ADAP1: variants seen among roughly 807,000 people sequenced by gnomAD.
ADAP1 encodes the protein arf-GAP with dual PH domain-containing protein 1.
In ADAP1, 31 loss-of-function variants were observed where a neutral mutation model predicts 54.9. The observed-to-expected ratio is 0.56, with a 90% CI of 0.42 to 0.76. The LOEUF (loss-of-function observed/expected upper bound fraction) is 0.76, where lower values mean the gene tolerates loss of function less well. ADAP1 is among the 30% of genes least tolerant of loss of function. The pLI is 0.00. For missense variants in ADAP1, 535 were observed against 512.4 expected (o/e 1.04, Z -0.42); for synonymous variants, 313 against 202.6 (o/e 1.55, Z -4.63).
In ADAP1 at chr7:920,789, T is replaced by C. The variant is rs1221220495; in HGVS notation, c.306-739A>G. 1.9e-6 allele frequency: 3 copies of C among 1,546,472 alleles called. No individual in the cohort carries two copies. Among genetic ancestry groups the C allele is most frequent in the South Asian group, 2.4e-5 (2 of 83,804 alleles). On this transcript the variant is annotated intron_variant, in intron 3 of 10. Transcript: ENST00000265846. This position sits in a 1 kb window ranked among gnomAD's most constrained non-coding sequence, Gnocchi z 4.5. ...CCCCATCCACCGTGACTCACTCGAGTGAAGCCAATACCATTGCAGAAACCA... is the reference window on the plus strand; with the variant it reads ...CCCCATCCACCGTGACTCACTCGAGCGAAGCCAATACCATTGCAGAAACCA...
intron 7 of ADAP1, 123 bp downstream of exon 7, chr7:900,410 T>C (rs1048535560): frequency 6.8e-5 from 77 of 1,128,016 alleles, no homozygotes; most frequent in Non-Finnish European, 9.0e-5. Context: ...GGTGAGCCCT[T>C]GGCCAGTCCC....
chr7:935,538 C>G (rs568593593), intron 1 of ADAP1, 33 bp from the exon 2 acceptor site: 1 of 1,554,092 alleles, frequency 6.4e-7, no homozygotes, highest in Admixed American at 1.9e-5. Flanking sequence ...CACGGAGGCT[C>G]AGCCCAGGGA....
chr7:903,469 T>C (rs1349427821), intron 6 of ADAP1, among the ~76,000 whole-genome samples: 1 of 152,104 alleles, frequency 6.6e-6, no homozygotes, highest in East Asian at 1.9e-4. Context: ...TCTCAAGATT[T>C]AGGAACGATA....
At chr7:918,313 C>T (rs1248933520) in intron 4 of ADAP1, among the ~76,000 whole-genome samples, 2 of 152,184 alleles carry the variant, frequency 1.3e-5, no homozygotes, top group African/African-American at 2.4e-5. Flanking sequence ...AACTCCTGCA[C>T]GTAAGGGCTG....
intron 6 of ADAP1, 182 bp downstream of exon 6, chr7:903,944 C>T: frequency 1.4e-6 from 1 of 732,382 alleles, no homozygotes; most frequent in East Asian, 3.3e-5. Context: ...CCAGTGCCCA[C>T]ACTCCCACAC....
At chr7:954,783 C>T, upstream of ADAP1, 4 of 882,226 alleles carry the variant, frequency 4.5e-6, no homozygotes, top group Non-Finnish European at 5.4e-6. Context: ...TCGGCCGCTC[C>T]GGCGCCCCCA....
chr7:911,015 T>C (rs4722452), intron 4 of ADAP1, among the ~76,000 whole-genome samples: 134,146 of 152,210 alleles, frequency 0.88, 59,493 homozygotes, highest in African/African-American at 0.97. Flanking sequence ...TCTCCCTGCC[T>C]GGCCCGTCCA....
chr7:904,056 T>C (rs1844960326), intron 6 of ADAP1, 70 bp downstream of exon 6: 1 of 1,592,976 alleles, frequency 6.3e-7, no homozygotes, highest in Admixed American at 1.7e-5. Context: ...GCACCCACCT[T>C]CCTGCGCCAC....
intron 2 of ADAP1, 147 bp downstream of exon 2, chr7:935,228 G>C: frequency 8.8e-7 from 1 of 1,136,182 alleles, no homozygotes. Flanking sequence ...AGAGGGGGCG[G>C]GGTCCTCGGG....
chr7:899,988 C>T (rs1844707424), intron 8 of ADAP1, 114 bp downstream of exon 8: 1 of 1,278,890 alleles, frequency 7.8e-7, no homozygotes, highest in Non-Finnish European at 1.1e-6. Context: ...TGTGAGGACC[C>T]ACCAGACACC....
In ADAP1 at chr7:904,283, G is replaced by T. The variant is rs761176865; in HGVS notation, c.502-11C>A. On this transcript the variant is annotated splice_polypyrimidine_tract_variant and intron_variant, in intron 5 of 10. Coordinates refer to ENST00000265846, the MANE Select transcript of ADAP1 (RefSeq NM_006869.4). ...CTTGGGCTCCTTGGCCTGAGAAGGG[G>T]TGGGGTCTAAGCACCTCACAGGGGC... The T allele has an allele frequency of 6.3e-7, 1 of 1,580,406 alleles. No individual in the cohort carries two copies. Among genetic ancestry groups the T allele is most frequent in the South Asian group, 1.2e-5 (1 of 85,628 alleles).
intron 4 of ADAP1, among the ~76,000 whole-genome samples, chr7:918,276 G>A (rs1358996560): frequency 6.6e-6 from 1 of 152,186 alleles, no homozygotes. Context: ...GAGTGCAGTG[G>A]TGCAAACACA....
In ADAP1 at chr7:909,377, G is replaced by A. The variant is rs547156011; in HGVS notation, c.389-4205C>T. Among the ~76,000 whole-genome samples, 276 of 97,878 alleles carry A rather than the reference G, an allele frequency of 2.8e-3. 7 individuals are homozygous for A. Among genetic ancestry groups the A allele is most frequent in the South Asian group, 6.0e-3 (16 of 2,676 alleles). The allele number at this position is 97,878 out of a possible 152,430, so 64.2% of individuals were successfully genotyped here. ...GGAACCCCGGTCCTCCCGACAGCAG[G>A]CGCCAGCGGGAACCCCGGTCCTCCC... On this transcript the variant is annotated intron_variant, in intron 4 of 10. Transcript: ENST00000265846.
chr7:905,016 C>T (rs367867271), intron 5 of ADAP1, 44 bp downstream of exon 5: 94 of 1,561,682 alleles, frequency 6.0e-5, no homozygotes, highest in Non-Finnish European at 7.8e-5. Flanking sequence ...GGCCGGGATG[C>T]CGCCCTGGGA....
Position 920,839 on chromosome 7 carries a change from G to A in ADAP1, c.306-789C>T, listed in dbSNP as rs1562926444. ...ACGACCCACACACAGGCCCGGCACGGCCCAGGTGCACAGGCAGCCGCCCCA... is the reference window on the plus strand; with the variant it reads ...ACGACCCACACACAGGCCCGGCACGACCCAGGTGCACAGGCAGCCGCCCCA... On this transcript the variant is annotated intron_variant, in intron 3 of 10. Transcript: ENST00000265846. The surrounding 1 kb of genome is among the most constrained non-coding windows in gnomAD (Gnocchi z 4.5). 4.5e-6 allele frequency: 7 copies of A among 1,550,154 alleles called. No homozygotes were observed. Among genetic ancestry groups the A allele is most frequent in the Non-Finnish European group, 6.1e-6 (7 of 1,146,880 alleles).
At chr7:911,829 C>G (rs928027759) in intron 4 of ADAP1, among the ~76,000 whole-genome samples, 2 of 151,972 alleles carry the variant, frequency 1.3e-5, no homozygotes, top group Non-Finnish European at 2.9e-5. Context: ...CACGGAGGGC[C>G]AGGAGCCGAC....
rs539090480 is a variant in ADAP1, at chr7:952,143, G to A, written c.82+2253C>T. Among the ~76,000 whole-genome samples, 11 of 152,196 alleles carry A rather than the reference G, an allele frequency of 7.2e-5. No individual in the cohort carries two copies. The East Asian group carries it at 2.1e-3, about 29-fold the overall frequency. ...GTGATGAGAGGCTCTCTGGGTGGCC[G>A]CCGGGCGAGGCCCCCTGTTCAAGGT... is the stretch of plus-strand genomic sequence containing the variant. On this transcript the variant is annotated intron_variant, in intron 1 of 10. Transcript: ENST00000265846.
At chr7:941,870 C>A (rs1300972928) in intron 1 of ADAP1, among the ~76,000 whole-genome samples, 1 of 152,162 alleles carries the variant, frequency 6.6e-6, no homozygotes, top group Non-Finnish European at 1.5e-5. Context: ...GGACGGGGAA[C>A]TAACACTACT....
At chr7:900,210 G>A (rs1362727652) in intron 7 of ADAP1, 46 bp from the exon 8 acceptor site, 3 of 1,609,230 alleles carry the variant, frequency 1.9e-6, no homozygotes, top group South Asian at 2.2e-5. Flanking sequence ...GTGCAGCTCA[G>A]GCCGAGCCCC....
Sources: allele counts gnomAD v4.1 joint callset (sites outside exome capture counted in the v4.1 genomes callset), GRCh38; gene constraint gnomAD v4.1.1; non-coding constraint Gnocchi (gnomAD v3.1); transcripts MANE v1.5; gene names NCBI Gene and HGNC (gene_info 2026-07-23, HGNC 2026-07-21).